The following USP13 variants were observed in gnomAD, a reference collection of about 807,000 sequenced individuals.
The protein encoded by USP13 is ubiquitin carboxyl-terminal hydrolase 13.
In USP13, 68 loss-of-function variants were observed where a neutral mutation model predicts 107.8. The observed-to-expected ratio is 0.63, with a 90% CI of 0.52 to 0.77. USP13 has a LOEUF of 0.77. USP13 is among the 30% of genes least tolerant of loss of function. The probability of loss-of-function intolerance (pLI) is 0.00; values close to 1 mark genes in which losing one functional copy is unlikely to be tolerated. For missense variants in USP13, 945 were observed against 1,093.3 expected, an observed-to-expected ratio of 0.86 and a Z score of 1.91; for synonymous variants, 377 against 389.5, an observed-to-expected ratio of 0.97 and a Z score of 0.38.
chr3:179,763,938 G>A, intron 17 of USP13, 64 bp from the exon 18 acceptor site: 1 of 1,441,382 alleles, frequency 6.9e-7, no homozygotes, highest in Non-Finnish European at 9.1e-7. Context: ...CCTTGTTAGT[G>A]TTGTTTCAGG....
At chr3:179,703,062 A>G (rs1278919158) in intron 4 of USP13, among the ~76,000 whole-genome samples, 2 of 152,224 alleles carry the variant, frequency 1.3e-5, no homozygotes, top group African/African-American at 2.4e-5. Flanking sequence ...ATTTAAAATA[A>G]GAGAAGTGCC....
intron 8 of USP13, among the ~76,000 whole-genome samples, chr3:179,727,122 C>A (rs1713549037): frequency 6.6e-6 from 1 of 150,546 alleles, no homozygotes; most frequent in Non-Finnish European, 1.5e-5. Flanking sequence ...ACTGCTGTTA[C>A]CATTATTATT....
rs747792007 is a variant in USP13 at position 179,701,024 on chromosome 3, C to T, written c.372C>T (p.Asp124=). ...SKIFLDLDTD[D]DLNSDDYEYE... ...TCTCCTCAGATCTAGATACTGATGA[C>T]GATTTAAATAGCGACGATTATGAAT... Residue 124 remains aspartate (D), a synonymous_variant, in exon 4 of 21, where the codon GAC becomes GAT. Coordinates refer to ENST00000263966, the MANE Select transcript of USP13 (RefSeq NM_003940.3). 51 of 1,613,164 alleles carry T rather than the reference C, an allele frequency of 3.2e-5. No individual in the cohort carries two copies. Among genetic ancestry groups the T allele is most frequent in the African/African-American group, 9.4e-5 (7 of 74,848 alleles).
rs989532139 is a variant in USP13, at chr3:179,739,026, T to C, written c.1255-1221T>C. Among the ~76,000 whole-genome samples, 16 of 152,226 alleles carry C rather than the reference T, an allele frequency of 1.1e-4. No homozygotes were observed. In the South Asian group the frequency reaches 1.2e-3, roughly 12 times the overall value. On this transcript the variant is annotated intron_variant, in intron 10 of 20. Transcript: ENST00000263966. The stretch of plus-strand genomic sequence containing the variant: ...ACATGTCTCCTGTCATGGCTGGCTT[T>C]TTTGTGGGGGAACATTGGTGGTTCT...
chr3:179,733,971 T>G (rs1713898152), intron 10 of USP13, among the ~76,000 whole-genome samples: 1 of 152,196 alleles, frequency 6.6e-6, no homozygotes, highest in Non-Finnish European at 1.5e-5. Context: ...CCAAGACTTA[T>G]TTCAGGCTCC....
At chr3:179,709,162 G>A (rs1327989380) in intron 6 of USP13, among the ~76,000 whole-genome samples, 2 of 152,172 alleles carry the variant, frequency 1.3e-5, no homozygotes, top group African/African-American at 2.4e-5. Context: ...TGAGGATAAC[G>A]ATGATGATAC....
chr3:179,691,352 A>G (rs770354522), intron 3 of USP13, among the ~76,000 whole-genome samples: 4 of 152,164 alleles, frequency 2.6e-5, no homozygotes, highest in Non-Finnish European at 5.9e-5. Context: ...GACTCTGATC[A>G]TTCTTCAGTT....
At chr3:179,655,700 G>T (rs542855178) in intron 1 of USP13, among the ~76,000 whole-genome samples, 2 of 151,934 alleles carry the variant, frequency 1.3e-5, no homozygotes, top group Non-Finnish European at 2.9e-5. Flanking sequence ...GATTACAGGC[G>T]TGTGCCACCA....
At chr3:179,723,732 C>T (rs982466389) in intron 8 of USP13, among the ~76,000 whole-genome samples, 25 of 152,174 alleles carry the variant, frequency 1.6e-4, no homozygotes, top group African/African-American at 5.3e-4. Context: ...TACATGTCTT[C>T]AGTCTTTTCA....
intron 10 of USP13, among the ~76,000 whole-genome samples, chr3:179,732,038 G>A (rs1713826318): frequency 6.6e-6 from 1 of 151,308 alleles, no homozygotes; most frequent in Non-Finnish European, 1.5e-5. Flanking sequence ...CCTTGGGGAT[G>A]GGGAGAAAGA....
intron 1 of USP13, among the ~76,000 whole-genome samples, chr3:179,658,440 C>T (rs186872127): frequency 6.6e-6 from 1 of 152,294 alleles, no homozygotes; most frequent in East Asian, 1.9e-4. Context: ...AATTCTGCCC[C>T]CCTCCCCACC....
intron 3 of USP13, among the ~76,000 whole-genome samples, chr3:179,691,660 G>C (rs1227312761): frequency 6.6e-6 from 1 of 152,100 alleles, no homozygotes; most frequent in Non-Finnish European, 1.5e-5. Context: ...TTTTGAGAGT[G>C]ATACTTTGAG....
intron 13 of USP13, among the ~76,000 whole-genome samples, chr3:179,748,013 G>T (rs1714471352): frequency 6.6e-6 from 1 of 152,170 alleles, no homozygotes; most frequent in Non-Finnish European, 1.5e-5. Context: ...TTGTGGGAAA[G>T]AAAAAGATGA....
chr3:179,774,530 C>G (rs1323228569), intron 19 of USP13, among the ~76,000 whole-genome samples: 3 of 151,952 alleles, frequency 2.0e-5, no homozygotes, highest in African/African-American at 7.3e-5. Context: ...GTTGTTCGTT[C>G]CTCCTGTCCG....
chr3:179,685,187 A>AT (rs142746430), intron 2 of USP13, among the ~76,000 whole-genome samples: 108 of 148,274 alleles, frequency 7.3e-4, no homozygotes, highest in African/African-American at 2.2e-3. Flanking sequence ...GTACCCTATA[A>AT]TTTTTTTTTT....
chr3:179,666,291 A>G (rs1720585212), intron 1 of USP13, among the ~76,000 whole-genome samples: 1 of 152,210 alleles, frequency 6.6e-6, no homozygotes, highest in African/African-American at 2.4e-5. Flanking sequence ...AGTAATTCAC[A>G]TATTGTATCA....
At chr3:179,660,800 CTT>C (rs1720435775) in intron 1 of USP13, among the ~76,000 whole-genome samples, 1 of 152,206 alleles carries the variant, frequency 6.6e-6, no homozygotes, top group African/African-American at 2.4e-5. Flanking sequence ...AGCAGACAGA[CTT>C]TTTTCCACTT....
chr3:179,708,504 G>A (rs573246108), intron 5 of USP13, among the ~76,000 whole-genome samples: 36 of 152,086 alleles, frequency 2.4e-4, no homozygotes, highest in Non-Finnish European at 4.9e-4. Flanking sequence ...TAATAGAGAC[G>A]GGGGTTTCGC....
rs774478373 is a variant in USP13, at chr3:179,721,476, G to A, written c.975G>A (p.Thr325=). The change falls in exon 8 of 21, where the codon ACG becomes ACA. Residue 325 remains threonine, a synonymous_variant. Coordinates refer to ENST00000263966, the MANE Select transcript of USP13 (RefSeq NM_003940.3). This position sits in a 1 kb window ranked among gnomAD's most constrained non-coding sequence, Gnocchi z 4.3. ...SEWEVIQESG[T]KLKPMYGPGY... ...GGGAAGTGATCCAGGAGTCGGGCAC[G>A]AAACTGAAGCCAATGTATGGTCCTG... 2.1e-5 allele frequency: 34 copies of A among 1,614,070 alleles called. No homozygotes were observed. Among genetic ancestry groups the A allele is most frequent in the Non-Finnish European group, 2.4e-5 (28 of 1,180,046 alleles).
Sources: gnomAD v4.1 joint callset for allele counts (sites outside exome capture counted in the v4.1 genomes callset) on GRCh38, gnomAD v4.1.1 for gene constraint, Gnocchi (gnomAD v3.1) non-coding constraint, MANE v1.5 for transcripts, NCBI Gene and HGNC (gene_info 2026-07-23, HGNC 2026-07-21) for gene names.